The following CFAP54 variants were observed in gnomAD, a reference collection of about 807,000 sequenced individuals.
The protein encoded by CFAP54 is cilia and flagella associated protein 54, also known as cilia- and flagella-associated protein 54.
Under a neutral mutation model 370.4 loss-of-function variants are expected in CFAP54, and 290 were observed. The observed-to-expected ratio is 0.78, with a 90% CI of 0.71 to 0.86. The LOEUF is 0.86. CFAP54 is among the 40% of genes least tolerant of loss of function. The pLI, the probability that CFAP54 is intolerant of heterozygous loss-of-function variation, is 0.00. For synonymous variants in CFAP54, 1,206 were observed against 1,236.5 expected, an observed-to-expected ratio of 0.98 and a Z score of 0.52; for missense variants, 3,399 against 3,528.7, an observed-to-expected ratio of 0.96 and a Z score of 0.93.
chr12:96,655,641 TG>T (rs1956913288), intron 36 of CFAP54, among the ~76,000 whole-genome samples: 1 of 152,106 alleles, frequency 6.6e-6, no homozygotes, highest in South Asian at 2.1e-4. Context: ...ATTCAGATTA[TG>T]GGAACTCTAC....
intron 50 of CFAP54, among the ~76,000 whole-genome samples, chr12:96,739,608 T>A (rs969759258): frequency 2.0e-5 from 3 of 152,226 alleles, no homozygotes; most frequent in Non-Finnish European, 4.4e-5. Flanking sequence ...CCAATACATT[T>A]TGTTTTGGAT....
chr12:96,699,000 T>TATGA (rs1287238938), intron 45 of CFAP54, among the ~76,000 whole-genome samples: 1 of 152,184 alleles, frequency 6.6e-6, no homozygotes, highest in Admixed American at 6.5e-5. Flanking sequence ...GGCCACTTCA[T>TATGA]GCTCACCTCA....
chr12:96,790,195 A>G (rs34460), intron 62 of CFAP54, among the ~76,000 whole-genome samples: 22,365 of 152,238 alleles, frequency 0.15, 2,027 homozygotes, highest in Middle Eastern at 0.26. Context: ...CATAATGCTG[A>G]GTTATTCATG....
chr12:96,707,655 T>C (rs1325028539), intron 47 of CFAP54, among the ~76,000 whole-genome samples: 1 of 152,034 alleles, frequency 6.6e-6, no homozygotes, highest in Non-Finnish European at 1.5e-5. Flanking sequence ...ATATTTATGA[T>C]ATAGGAGAGA....
chr12:96,785,313 T>G lies in CFAP54; in HGVS notation c.8455+423T>G, dbSNP rs1266060480. ...GATGGCATATTAATTCCGTGGAGTTTTTTTTTTTTAATCATTGGTGCTATC... is the reference window on the plus strand; with the variant it reads ...GATGGCATATTAATTCCGTGGAGTTGTTTTTTTTTAATCATTGGTGCTATC... On this transcript the variant is annotated intron_variant, in intron 61 of 67. Transcript: ENST00000524981. Among the ~76,000 whole-genome samples, 6 of 152,170 alleles carry G rather than the reference T, an allele frequency of 3.9e-5. No individual in the cohort carries two copies. In the South Asian group the frequency reaches 1.0e-3, roughly 26 times the overall value.
In CFAP54 at chr12:96,644,196, T is replaced by G; in HGVS notation, c.4335T>G (p.Val1445=). 8 of 1,535,138 alleles carry G rather than the reference T, an allele frequency of 5.2e-6. No individual in the cohort carries two copies. The highest frequency in any genetic ancestry group is 1.4e-5 in the African/African-American group (1 of 73,134). The part of the protein sequence containing the change: ...VAHERNRRTS[V]RKAAQRYLMD... ...TTGGCAGAAATAGGAGAACCAGTGT[T>G]AGGAAAGCAGCACAACGATACCTGA... is the stretch of plus-strand genomic sequence containing the variant. The change falls in exon 33 of 68, where the codon GTT becomes GTG. Residue 1445 remains valine, a synonymous_variant. Transcript: ENST00000524981.
intron 26 of CFAP54, among the ~76,000 whole-genome samples, chr12:96,616,391 T>A (rs1396149436): frequency 6.6e-6 from 1 of 151,974 alleles, no homozygotes; most frequent in Non-Finnish European, 1.5e-5. Flanking sequence ...AGGGATAGCA[T>A]TAGGAGATAT....
intron 50 of CFAP54, among the ~76,000 whole-genome samples, chr12:96,733,604 T>C (rs1957948528): frequency 6.6e-6 from 1 of 151,650 alleles, no homozygotes; most frequent in Non-Finnish European, 1.5e-5. Flanking sequence ...ATCTATTGTT[T>C]AAATGGAAAA....
intron 60 of CFAP54, among the ~76,000 whole-genome samples, chr12:96,781,451 T>C (rs1958579923): frequency 6.6e-6 from 1 of 152,156 alleles, no homozygotes; most frequent in Non-Finnish European, 1.5e-5. Context: ...AATTTGATCA[T>C]ATTGAAGCAA....
At chr12:96,545,096 AG>A (rs1486332246) in intron 14 of CFAP54, among the ~76,000 whole-genome samples, 7 of 152,106 alleles carry the variant, frequency 4.6e-5, no homozygotes, top group Non-Finnish European at 7.4e-5. Context: ...TATTTTTAGT[AG>A]AGACAGGGTT....
At chr12:96,664,751 A>C (rs371298132) in intron 39 of CFAP54, among the ~76,000 whole-genome samples, 40,722 of 79,390 alleles carry the variant, frequency 0.51, 8,835 homozygotes, top group Middle Eastern at 0.56. Flanking sequence ...ATATATATAT[A>C]TATCTATATA....
chr12:96,576,611 T>C lies in CFAP54; in HGVS notation c.2646T>C (p.Ile882=), dbSNP rs766273884. ...LMEAYSLIQR[I]EAEQNALYSY... ...AAGCATATTCCTTAATTCAGAGGAT[T>C]GAAGCTGAACAAAATGCCCTATATT... Residue 882 remains isoleucine, a synonymous_variant, in exon 20 of 68, where the codon ATT becomes ATC. Coordinates refer to ENST00000524981, the MANE Select transcript of CFAP54 (RefSeq NM_001306084.2). 22 of 1,533,830 alleles carry C rather than the reference T, an allele frequency of 1.4e-5. No homozygotes were observed. In the South Asian group the frequency reaches 2.6e-4, roughly 18 times the overall value.
rs770274295 is a variant in CFAP54 at position 96,554,676 on chromosome 12, C to A, written c.2284C>A (p.Arg762Ser). Reference protein sequence around the residue: ...SSVIDHCYAKRTHHIDGDTYK... With the variant: ...SSVIDHCYAKSTHHIDGDTYK... The stretch of plus-strand genomic sequence containing the variant: ...TTATTTCAACTCTGTTGGACCAAAG[C>A]GTACCCACCATATAGATGGAGATAC... Residue 762 changes from arginine (R) to serine (S), a missense_variant and splice_region_variant, in exon 17 of 68, where the codon CGT becomes AGT. Physicochemically the swap from Arg to Ser is moderately radical, Grantham distance 110. Around this residue, in one of 3 missense-constraint regions of CFAP54, gnomAD observed 2,796 missense variants for 2,869.7 expected, o/e 0.97. Coordinates refer to ENST00000524981, the MANE Select transcript of CFAP54 (RefSeq NM_001306084.2). 3 of 1,529,044 alleles carry A rather than the reference C, an allele frequency of 2.0e-6. No individual in the cohort carries two copies. The highest frequency in any genetic ancestry group is 2.6e-6 in the Non-Finnish European group (3 of 1,142,846). 94.7% of individuals were successfully genotyped at this position (1,529,044 alleles called of 1,614,324 possible).
At chr12:96,824,640 C>T (rs956422764) in intron 65 of CFAP54, among the ~76,000 whole-genome samples, 3 of 151,986 alleles carry the variant, frequency 2.0e-5, no homozygotes, top group African/African-American at 4.8e-5. Flanking sequence ...ACTGGTGTAC[C>T]CTGACTAGTG....
intron 26 of CFAP54, among the ~76,000 whole-genome samples, chr12:96,607,873 C>A (rs144785188): frequency 1.3e-5 from 2 of 151,224 alleles, no homozygotes; most frequent in Non-Finnish European, 2.9e-5. Context: ...GGAAAAAGAC[C>A]GAGGTCCAAA....
At chr12:96,544,923 T>C (rs1955621575) in intron 14 of CFAP54, among the ~76,000 whole-genome samples, 1 of 151,438 alleles carries the variant, frequency 6.6e-6, no homozygotes, top group African/African-American at 2.4e-5. Flanking sequence ...TTTTTTTTTT[T>C]CCCTTTGAGA....
Position 96,803,227 on chromosome 12 carries a change from G to T in CFAP54, c.8851-8509G>T, listed in dbSNP as rs548673746. ...ATTGCTGGGTCAAATGGTATTTCTG[G>T]TTCCAGATCCTTGAGGAATTGCCAC... is the stretch of plus-strand genomic sequence containing the variant. On this transcript the variant is annotated intron_variant, in intron 63 of 67. Transcript: ENST00000524981. Among the ~76,000 whole-genome samples, 7 of 152,178 alleles carry T rather than the reference G, an allele frequency of 4.6e-5. No individual in the cohort carries two copies. In the East Asian group the frequency reaches 1.4e-3, roughly 30 times the overall value.
chr12:96,792,765 T>C (rs898299296), intron 63 of CFAP54, among the ~76,000 whole-genome samples: 1 of 152,152 alleles, frequency 6.6e-6, no homozygotes, highest in Non-Finnish European at 1.5e-5. Context: ...AACTTTTTTT[T>C]GGTAGTTATT....
At chr12:96,625,905 C>T (rs977862125) in intron 29 of CFAP54, 98 bp downstream of exon 29, 1 of 905,966 alleles carries the variant, frequency 1.1e-6, no homozygotes. Flanking sequence ...GAAGATTTCA[C>T]CTGTTTCAGG....
Sources: gnomAD v4.1 joint callset for allele counts (sites outside exome capture counted in the v4.1 genomes callset) on GRCh38, gnomAD v4.1.1 for gene constraint, gnomAD v4.1.1 regional missense constraint, MANE v1.5 for transcripts, NCBI Gene and HGNC (gene_info 2026-07-23, HGNC 2026-07-21) for gene names.